FAF1: variants seen among roughly 807,000 people sequenced by gnomAD.
FAF1 encodes FAS-associated factor 1.
FAF1 carries 25 observed loss-of-function variants against 92.5 expected under a neutral mutation model. The observed-to-expected ratio is 0.27, with a 90% confidence interval of 0.20 to 0.38. The LOEUF is 0.38. FAF1 is among the 10% of genes least tolerant of loss of function. FAF1 has a pLI of 1.00. For missense variants in FAF1, 636 were observed against 793.3 expected (o/e 0.80, Z 2.38); for synonymous variants, 234 against 273.2 (o/e 0.86, Z 1.42).
chr1:50,836,016 A>C (rs1644197968), intron 2 of FAF1, among the ~76,000 whole-genome samples: 1 of 152,110 alleles, frequency 6.6e-6, no homozygotes, highest in African/African-American at 2.4e-5. Context: ...GATCTTGGGA[A>C]TATTTCTCTA....
chr1:50,734,449 T>A (rs1005699785), intron 6 of FAF1, among the ~76,000 whole-genome samples: 1 of 152,078 alleles, frequency 6.6e-6, no homozygotes, highest in Non-Finnish European at 1.5e-5. Flanking sequence ...GAAAAACACA[T>A]GTAGGCCGGC....
intron 8 of FAF1, among the ~76,000 whole-genome samples, chr1:50,645,371 G>A (rs1222966619): frequency 6.6e-6 from 1 of 152,206 alleles, no homozygotes; most frequent in Non-Finnish European, 1.5e-5. Context: ...AATGTTTGTT[G>A]AATGCCTACT....
rs538768107 is a variant in FAF1 at position 50,846,196 on chromosome 1, T to C, written c.114+11733A>G. Among the ~76,000 whole-genome samples, 4 of 151,696 alleles carry C rather than the reference T, an allele frequency of 2.6e-5. No individual in the cohort carries two copies. In the East Asian group the frequency reaches 7.8e-4, roughly 29 times the overall value. On this transcript the variant is annotated intron_variant, in intron 2 of 18. Coordinates refer to ENST00000396153, the MANE Select transcript of FAF1 (RefSeq NM_007051.3). ...CATAAAATCTATTTGCCTTTGTCTATACTATGCTACATACGATGTACAGCT... is the reference window on the plus strand; with the variant it reads ...CATAAAATCTATTTGCCTTTGTCTACACTATGCTACATACGATGTACAGCT...
At chr1:50,946,513 T>C (rs1373762937) in intron 1 of FAF1, among the ~76,000 whole-genome samples, 1 of 152,184 alleles carries the variant, frequency 6.6e-6, no homozygotes, top group Non-Finnish European at 1.5e-5. Context: ...TTAACCAACC[T>C]ATGAAGACAC....
At chr1:50,881,706 A>G (rs914869446) in intron 1 of FAF1, among the ~76,000 whole-genome samples, 2 of 152,188 alleles carry the variant, frequency 1.3e-5, no homozygotes, top group Non-Finnish European at 2.9e-5. Flanking sequence ...CAAAAAAAAC[A>G]AGCTTATCAC....
intron 2 of FAF1, among the ~76,000 whole-genome samples, chr1:50,834,464 T>C (rs1437179669): frequency 6.6e-6 from 1 of 152,082 alleles, no homozygotes; most frequent in Admixed American, 6.6e-5. Context: ...GAAAGACAGG[T>C]AAGAGGTCAG....
chr1:50,590,262 C>T (rs890773610), intron 9 of FAF1, among the ~76,000 whole-genome samples: 7 of 152,198 alleles, frequency 4.6e-5, no homozygotes, highest in Admixed American at 1.3e-4. Context: ...TACAATATTA[C>T]GCCTTCCAAC....
At chr1:50,548,945 T>C (rs1441446385) in intron 13 of FAF1, among the ~76,000 whole-genome samples, 1 of 152,348 alleles carries the variant, frequency 6.6e-6, no homozygotes, top group Middle Eastern at 3.4e-3. Context: ...ACTTTTGGAA[T>C]TGGTCTGTGG....
intron 1 of FAF1, among the ~76,000 whole-genome samples, chr1:50,950,760 T>C (rs1157474926): frequency 6.6e-6 from 1 of 152,228 alleles, no homozygotes; most frequent in Non-Finnish European, 1.5e-5. Context: ...GTGCCACCTT[T>C]CTCTTCCTTC....
chr1:50,442,118 T>C (rs1191021074), intron 18 of FAF1, among the ~76,000 whole-genome samples: 2 of 152,146 alleles, frequency 1.3e-5, no homozygotes, highest in Non-Finnish European at 1.5e-5. Flanking sequence ...TAATATGAAC[T>C]ATTGAAAGTC....
chr1:50,778,819 TA>T (rs1440721432), intron 4 of FAF1, among the ~76,000 whole-genome samples: 1 of 151,148 alleles, frequency 6.6e-6, no homozygotes, highest in Non-Finnish European at 1.5e-5. Context: ...GACCATCCCT[TA>T]AAAAAACAAA....
At chr1:50,954,722 T>C (rs1557603269) in intron 1 of FAF1, among the ~76,000 whole-genome samples, 2 of 151,938 alleles carry the variant, frequency 1.3e-5, no homozygotes, top group Non-Finnish European at 2.9e-5. Flanking sequence ...TGTGTGTTTT[T>C]AGTAGAGGCA....
chr1:50,455,985 G>A (rs1377616246), intron 18 of FAF1, among the ~76,000 whole-genome samples: 1 of 152,094 alleles, frequency 6.6e-6, no homozygotes, highest in Non-Finnish European at 1.5e-5. Context: ...TGAGGCAGGA[G>A]AATCGCTTGA....
At chr1:50,733,112 A>G (rs1320074628) in intron 6 of FAF1, among the ~76,000 whole-genome samples, 2 of 152,236 alleles carry the variant, frequency 1.3e-5, no homozygotes, top group Non-Finnish European at 2.9e-5. Context: ...TGATGACCTA[A>G]TAAGATAACA....
At chr1:50,761,617 A>G (rs1660330705) in intron 4 of FAF1, among the ~76,000 whole-genome samples, 1 of 152,162 alleles carries the variant, frequency 6.6e-6, no homozygotes, top group African/African-American at 2.4e-5. Flanking sequence ...ATGCAGAAAA[A>G]GCCTTTGACA....
chr1:50,542,324 T>TG (rs1347535767), intron 13 of FAF1, among the ~76,000 whole-genome samples: 1 of 152,154 alleles, frequency 6.6e-6, no homozygotes, highest in Admixed American at 6.6e-5. Flanking sequence ...AACAAGAAGG[T>TG]GGTACTTCAC....
intron 7 of FAF1, among the ~76,000 whole-genome samples, chr1:50,681,961 G>GCC: frequency 6.6e-6 from 1 of 151,880 alleles, no homozygotes; most frequent in Non-Finnish European, 1.5e-5. Context: ...AGCCCCCTGG[G>GCC]TAGCTGGGAC....
In FAF1 at chr1:50,630,828, C is replaced by CTTTTTT. The variant is rs1052085908; in HGVS notation, c.744+24608_744+24613dup. On this transcript the variant is annotated intron_variant, in intron 8 of 18. Coordinates refer to ENST00000396153, the MANE Select transcript of FAF1 (RefSeq NM_007051.3). ...AGTTTACATATCTAGTGTATCATAT[C>CTTTTTT]TTTTTTTTTTTTTTTTTTTTTTGAG... Among the ~76,000 whole-genome samples, 55 of 102,506 alleles carry CTTTTTT rather than the reference C, an allele frequency of 5.4e-4. 1 individual carries two copies. Among genetic ancestry groups the CTTTTTT allele is most frequent in the Non-Finnish European group, 7.4e-4 (38 of 51,532 alleles). 67.2% of individuals were successfully genotyped at this position (102,506 alleles called of 152,430 possible). A position where few individuals can be genotyped will look rare whatever the true frequency, so the allele number is the denominator to read the frequency against.
intron 2 of FAF1, among the ~76,000 whole-genome samples, chr1:50,854,686 G>C (rs1033494298): frequency 2.0e-5 from 3 of 151,874 alleles, no homozygotes; most frequent in African/African-American, 7.2e-5. Context: ...AATGTGCCAG[G>C]TCTGGGAAAG....
Sources: allele counts gnomAD v4.1 joint callset (sites outside exome capture counted in the v4.1 genomes callset), GRCh38; gene constraint gnomAD v4.1.1; transcripts MANE v1.5; gene names NCBI Gene and HGNC (gene_info 2026-07-23, HGNC 2026-07-21).